FSTL5: variants seen among roughly 807,000 people sequenced by gnomAD.
FSTL5 encodes follistatin-related protein 5.
Under a neutral mutation model 89.1 loss-of-function variants are expected in FSTL5, and 62 were observed. The observed-to-expected ratio is 0.70, with a 90% CI of 0.57 to 0.86. The LOEUF (loss-of-function observed/expected upper bound fraction) is 0.86. Ranked by LOEUF, FSTL5 falls within the 40% of genes least tolerant of loss-of-function variation. The probability of loss-of-function intolerance (pLI) is 0.00; values close to 1 mark genes in which losing one functional copy is unlikely to be tolerated. For synonymous variants in FSTL5, 383 were observed against 346.2 expected (o/e 1.11, Z -1.18); for missense variants, 1,057 against 1,001.6 (o/e 1.06, Z -0.75).
chr4:161,884,380 C>T (rs1732734662), intron 4 of FSTL5, among the ~76,000 whole-genome samples: 1 of 152,106 alleles, frequency 6.6e-6, no homozygotes, highest in African/African-American at 2.4e-5. Flanking sequence ...CTGCACTATA[C>T]AAATATAAGG....
At chr4:162,153,640 A>G (rs1733319207) in intron 1 of FSTL5, among the ~76,000 whole-genome samples, 1 of 104,310 alleles carries the variant, frequency 9.6e-6, no homozygotes, top group East Asian at 2.3e-4. Flanking sequence ...ATAATAATAT[A>G]TGTATATTAT....
intron 5 of FSTL5, 78 bp from the exon 6 acceptor site, chr4:161,759,609 T>C: frequency 1.1e-6 from 1 of 915,046 alleles, no homozygotes; most frequent in Non-Finnish European, 1.5e-6. Flanking sequence ...TATGTAATAA[T>C]CACATAATAG....
At chr4:161,742,875 A>G (rs1485026211) in intron 6 of FSTL5, among the ~76,000 whole-genome samples, 1 of 152,196 alleles carries the variant, frequency 6.6e-6, no homozygotes, top group African/African-American at 2.4e-5. Context: ...CATTCAAAGA[A>G]TATATTGATG....
At chr4:161,786,824 T>C (rs959181513) in intron 4 of FSTL5, among the ~76,000 whole-genome samples, 2 of 152,148 alleles carry the variant, frequency 1.3e-5, no homozygotes, top group African/African-American at 4.8e-5. Context: ...GAACCTCTGG[T>C]ATGTGTAACC....
intron 4 of FSTL5, among the ~76,000 whole-genome samples, chr4:161,826,892 G>A (rs1730685644): frequency 6.6e-6 from 1 of 152,118 alleles, no homozygotes; most frequent in African/African-American, 2.4e-5. Context: ...TATGTTCAAC[G>A]TTGAGATGTG....
At chr4:162,135,103 G>T (rs1732472723) in intron 1 of FSTL5, among the ~76,000 whole-genome samples, 1 of 152,140 alleles carries the variant, frequency 6.6e-6, no homozygotes, top group African/African-American at 2.4e-5. Flanking sequence ...AGTTTCTGCA[G>T]TTCTCCACTT....
intron 4 of FSTL5, among the ~76,000 whole-genome samples, chr4:161,787,768 C>T (rs564665613): frequency 3.3e-5 from 5 of 152,076 alleles, no homozygotes; most frequent in African/African-American, 1.2e-4. Flanking sequence ...ATAACAGTAG[C>T]GACAGTTCAT....
intron 4 of FSTL5, among the ~76,000 whole-genome samples, chr4:161,818,538 G>A (rs1056052325): frequency 2.0e-5 from 3 of 152,158 alleles, no homozygotes; most frequent in Admixed American, 6.5e-5. Flanking sequence ...TCCACCTCTA[G>A]ACATCACCAT....
At chr4:162,088,100 T>C (rs1256106846) in intron 2 of FSTL5, among the ~76,000 whole-genome samples, 1 of 152,110 alleles carries the variant, frequency 6.6e-6, no homozygotes, top group African/African-American at 2.4e-5. Context: ...CCCCCATTTT[T>C]TGTGAATTGC....
At chr4:161,649,842 A>G (rs1736276278) in intron 7 of FSTL5, among the ~76,000 whole-genome samples, 1 of 152,226 alleles carries the variant, frequency 6.6e-6, no homozygotes, top group South Asian at 2.1e-4. Flanking sequence ...AGTGTCATTT[A>G]TCTTTCACCT....
chr4:161,388,927 A>T lies in FSTL5; in HGVS notation c.1842-2478T>A, dbSNP rs556954510. ...TACTTTTGGAAGTAATTAAAAATTT[A>T]AAAAAATGGTCCAGTTAAAAATGCA... is the stretch of plus-strand genomic sequence containing the variant. On this transcript the variant is annotated intron_variant, in intron 15 of 15. Transcript: ENST00000306100. Among the ~76,000 whole-genome samples, 56 of 152,198 alleles carry T rather than the reference A, an allele frequency of 3.7e-4. 1 individual carries two copies. The highest frequency in any genetic ancestry group is 1.2e-3 in the Admixed American group (18 of 15,258).
At chr4:161,427,214 T>A (rs2126329678) in intron 15 of FSTL5, among the ~76,000 whole-genome samples, 1 of 152,358 alleles carries the variant, frequency 6.6e-6, no homozygotes, top group Non-Finnish European at 1.5e-5. Flanking sequence ...TTTATTAAAC[T>A]TCTGCTGAAT....
At chr4:162,022,628 GAATAA>G (rs896583622) in intron 3 of FSTL5, 2 of 152,074 alleles carry the variant, frequency 1.3e-5, no homozygotes, top group Non-Finnish European at 2.9e-5. Context: ...ATCCCTGAGA[GAATAA>G]AATGTTTATG....
intron 13 of FSTL5, among the ~76,000 whole-genome samples, chr4:161,459,531 T>G (rs1213571282): frequency 6.6e-6 from 1 of 152,150 alleles, no homozygotes; most frequent in African/African-American, 2.4e-5. Context: ...TTCTAAATTT[T>G]TTATCATATA....
intron 4 of FSTL5, among the ~76,000 whole-genome samples, chr4:161,796,453 G>A (rs1013997761): frequency 3.3e-5 from 5 of 151,628 alleles, no homozygotes; most frequent in African/African-American, 4.8e-5. Context: ...TGAATATATT[G>A]CTATCATGTA....
At chr4:161,423,973 C>G (rs1031480239) in intron 15 of FSTL5, among the ~76,000 whole-genome samples, 1 of 150,692 alleles carries the variant, frequency 6.6e-6, no homozygotes, top group African/African-American at 2.4e-5. Context: ...TATTCTGCCT[C>G]AGCCTCCCAA....
chr4:161,948,292 GAAAA>G lies in FSTL5; in HGVS notation c.161-27644_161-27641del, dbSNP rs34074683. 1.9e-3 allele frequency among the ~76,000 whole-genome samples: 219 copies of G among 113,758 alleles called. 2 individuals are homozygous for G. In the South Asian group the frequency reaches 0.024, roughly 12 times the overall value. 74.6% of individuals were successfully genotyped at this position (113,758 alleles called of 152,430 possible). On this transcript the variant is annotated intron_variant, in intron 3 of 15. Coordinates refer to ENST00000306100, the MANE Select transcript of FSTL5 (RefSeq NM_020116.5). Reference sequence around the variant, plus strand: ...AGCAAGATCCTGTACCTAAAGAAATGAAAAAAAAAAAAAAAAAACTGAAAAAGAG... The same window carrying G: ...AGCAAGATCCTGTACCTAAAGAAATGAAAAAAAAAAAAAACTGAAAAAGAG...
At chr4:161,586,749 C>G (rs754739946) in intron 8 of FSTL5, among the ~76,000 whole-genome samples, 9 of 152,160 alleles carry the variant, frequency 5.9e-5, no homozygotes, top group Non-Finnish European at 8.8e-5. Context: ...CCAAGGCTAC[C>G]TCTGCAAGCT....
chr4:161,389,677 T>C (rs1328210366), intron 15 of FSTL5, among the ~76,000 whole-genome samples: 1 of 152,158 alleles, frequency 6.6e-6, no homozygotes, highest in Non-Finnish European at 1.5e-5. Flanking sequence ...CGAGTTCCAA[T>C]TTCCTCATCA....
Sources: allele counts gnomAD v4.1 joint callset (sites outside exome capture counted in the v4.1 genomes callset), GRCh38; gene constraint gnomAD v4.1.1; transcripts MANE v1.5; gene names NCBI Gene and HGNC (gene_info 2026-07-23, HGNC 2026-07-21).